The following C18orf63 variants were observed in gnomAD, a reference collection of about 807,000 sequenced individuals.
C18orf63 encodes chromosome 18 open reading frame 63.
Under a neutral mutation model 75.3 loss-of-function variants are expected in C18orf63, and 50 were observed. The observed-to-expected ratio is 0.66, with a 90% CI of 0.53 to 0.84. The LOEUF (loss-of-function observed/expected upper bound fraction) is 0.84. C18orf63 is among the 40% of genes least tolerant of loss of function. The pLI is 0.00. For missense variants in C18orf63, 732 were observed against 800.2 expected (o/e 0.91, Z 1.03); for synonymous variants, 232 against 267.6 (o/e 0.87, Z 1.30).
intron 7 of C18orf63, among the ~76,000 whole-genome samples, chr18:74,335,575 A>C (rs1392928977): frequency 6.6e-6 from 1 of 152,138 alleles, no homozygotes; most frequent in African/African-American, 2.4e-5. Context: ...ATTATAATTG[A>C]ATCCACAGTT....
At chr18:74,345,343 G>A (rs1268483287) in intron 11 of C18orf63, among the ~76,000 whole-genome samples, 2 of 151,688 alleles carry the variant, frequency 1.3e-5, no homozygotes, top group Non-Finnish European at 2.9e-5. Context: ...TCTTAAAGGT[G>A]TCTTGGTGTC....
intron 11 of C18orf63, among the ~76,000 whole-genome samples, chr18:74,349,418 C>CTGCTATAGA (rs1984628867): frequency 6.6e-6 from 1 of 152,100 alleles, no homozygotes. Flanking sequence ...GGTCCCCAAC[C>CTGCTATAGA]CCCCAGGTCA....
chr18:74,350,707 C>G (rs777231995), intron 11 of C18orf63, among the ~76,000 whole-genome samples: 13 of 152,144 alleles, frequency 8.5e-5, no homozygotes, highest in Non-Finnish European at 1.8e-4. Flanking sequence ...GGGCAGTAAG[C>G]CAGTAATTCT....
At chr18:74,323,778 A>G (rs1266830936) in intron 4 of C18orf63, among the ~76,000 whole-genome samples, 1 of 152,228 alleles carries the variant, frequency 6.6e-6, no homozygotes, top group Non-Finnish European at 1.5e-5. Context: ...AAAATAATTC[A>G]GTTCCCAGCC....
intron 11 of C18orf63, 73 bp from the exon 12 acceptor site, chr18:74,353,173 T>G: frequency 1.0e-6 from 1 of 987,132 alleles, no homozygotes; most frequent in Non-Finnish European, 1.5e-6. Flanking sequence ...GGATGATACT[T>G]TATATTTTAT....
At chr18:74,343,471 C>T in intron 10 of C18orf63, 48 bp from the exon 11 acceptor site, 1 of 1,216,260 alleles carries the variant, frequency 8.2e-7, no homozygotes. Context: ...TTATAAATTT[C>T]TGCCTCTTAT....
rs1984293696 is a variant in C18orf63, at chr18:74,330,905, G to A, written c.464G>A (p.Ser155Asn). 2.7e-6 allele frequency: 4 copies of A among 1,480,972 alleles called. No individual in the cohort carries two copies. The highest frequency in any genetic ancestry group is 3.6e-6 in the Non-Finnish European group (4 of 1,111,656). 91.7% of individuals were successfully genotyped at this position (1,480,972 alleles called of 1,614,324 possible). ...INVTETQVCL[S>N]IEACTIRLPA... ...GTAACAGAAACTCAAGTTTGTCTAA[G>A]TATAGAAGCTTGCACAATCAGACTG... Residue 155 changes from serine to asparagine, a missense_variant, in exon 7 of 14, where the codon AGT becomes AAT. Physicochemically the swap from Ser to Asn is conservative, Grantham distance 46. This residue lies in a region of C18orf63 where 233 missense variants were observed against 272.7 expected (regional missense o/e 0.85). Coordinates refer to ENST00000579455, the MANE Select transcript of C18orf63 (RefSeq NM_001174123.2).
At chr18:74,325,543 T>G (rs57401115) in intron 4 of C18orf63, among the ~76,000 whole-genome samples, 5,911 of 152,284 alleles carry the variant, frequency 0.039, 387 homozygotes, top group African/African-American at 0.13. Flanking sequence ...TGGGTCACAT[T>G]GGTTGATAGT....
chr18:74,334,430 G>A (rs1164977648), intron 7 of C18orf63, among the ~76,000 whole-genome samples: 1 of 152,108 alleles, frequency 6.6e-6, no homozygotes, highest in Non-Finnish European at 1.5e-5. Context: ...AAAAGGGGTA[G>A]CAGAAAAGTC....
chr18:74,341,696 A>G (rs1984490179), intron 8 of C18orf63, among the ~76,000 whole-genome samples: 1 of 152,090 alleles, frequency 6.6e-6, no homozygotes, highest in Non-Finnish European at 1.5e-5. Context: ...CAAAAAATAA[A>G]TAATAGCACT....
At chr18:74,348,586 A>C (rs2145130418) in intron 11 of C18orf63, among the ~76,000 whole-genome samples, 1 of 152,336 alleles carries the variant, frequency 6.6e-6, no homozygotes, top group East Asian at 1.9e-4. Flanking sequence ...TAATGTATAA[A>C]GTTACATAAG....
chr18:74,339,377 C>T (rs2145124947), intron 8 of C18orf63, among the ~76,000 whole-genome samples: 1 of 152,166 alleles, frequency 6.6e-6, no homozygotes, highest in Non-Finnish European at 1.5e-5. Flanking sequence ...CTAACAATTA[C>T]CAGCAATATC....
At chr18:74,327,874 C>A in intron 4 of C18orf63, 73 bp from the exon 5 acceptor site, 2 of 874,882 alleles carry the variant, frequency 2.3e-6, no homozygotes, top group South Asian at 1.5e-5. Context: ...AATGGGCAGT[C>A]ATTTCCTATT....
intron 2 of C18orf63, among the ~76,000 whole-genome samples, chr18:74,318,594 G>T (rs1984067417): frequency 6.6e-6 from 1 of 152,096 alleles, no homozygotes; most frequent in African/African-American, 2.4e-5. Flanking sequence ...TTCGACACCA[G>T]CCTGGCCAAC....
intron 7 of C18orf63, among the ~76,000 whole-genome samples, chr18:74,331,494 A>G (rs866853773): frequency 4.6e-5 from 7 of 152,158 alleles, no homozygotes; most frequent in African/African-American, 1.7e-4. Flanking sequence ...TCTCAATGGA[A>G]GCGGTTGAGG....
intron 7 of C18orf63, among the ~76,000 whole-genome samples, chr18:74,337,797 A>G (rs868092828): frequency 2.3e-4 from 35 of 152,066 alleles, no homozygotes; most frequent in African/African-American, 4.6e-4. Context: ...CTCCATTTCC[A>G]TTAGTCTTAA....
intron 8 of C18orf63, among the ~76,000 whole-genome samples, chr18:74,339,964 A>G (rs1188061057): frequency 1.3e-5 from 2 of 152,226 alleles, no homozygotes; most frequent in Non-Finnish European, 2.9e-5. Flanking sequence ...AAAACTACGT[A>G]TCTGTGAAAA....
chr18:74,330,711 T>C (rs1480316939), intron 6 of C18orf63, among the ~76,000 whole-genome samples, 155 bp from the exon 7 acceptor site: 2 of 152,156 alleles, frequency 1.3e-5, no homozygotes, highest in Non-Finnish European at 2.9e-5. Context: ...AAGTGTCAAA[T>C]ATTAAGTGGT....
At chr18:74,348,099 T>C (rs112055391) in intron 11 of C18orf63, among the ~76,000 whole-genome samples, 2 of 152,304 alleles carry the variant, frequency 1.3e-5, no homozygotes, top group African/African-American at 4.8e-5. Flanking sequence ...CACAGACTTA[T>C]TTTTAGGAGT....
Sources: gnomAD v4.1 joint callset for allele counts (sites outside exome capture counted in the v4.1 genomes callset) on GRCh38, gnomAD v4.1.1 for gene constraint, gnomAD v4.1.1 regional missense constraint, MANE v1.5 for transcripts, NCBI Gene and HGNC (gene_info 2026-07-23, HGNC 2026-07-21) for gene names.